The following LRBA variants were observed in gnomAD, a reference collection of about 807,000 sequenced individuals.
LRBA encodes the protein lipopolysaccharide-responsive and beige-like anchor protein.
A neutral mutation model predicts 330.0 loss-of-function variants in LRBA; 176 were observed. The ratio of observed to expected loss-of-function variants is 0.53; its 90% CI spans 0.47 to 0.60. LRBA has a LOEUF of 0.60. Ranked by LOEUF, LRBA falls within the 20% of genes least tolerant of loss-of-function variation. LRBA has a pLI of 0.00. For synonymous variants in LRBA, 1,230 were observed against 1,193.0 expected (o/e 1.03, Z -0.64); for missense variants, 3,259 against 3,444.8 (o/e 0.95, Z 1.35).
chr4:150,447,315 G>A (rs1752732876), intron 44 of LRBA, among the ~76,000 whole-genome samples: 1 of 152,292 alleles, frequency 6.6e-6, no homozygotes, highest in East Asian at 1.9e-4. Flanking sequence ...CCTTTAAACT[G>A]GTGGACACAG....
At chr4:150,455,809 T>G (rs906614022) in intron 44 of LRBA, among the ~76,000 whole-genome samples, 21 of 152,148 alleles carry the variant, frequency 1.4e-4, no homozygotes, top group Non-Finnish European at 7.4e-5. Context: ...CTATACTCCA[T>G]TCCCTCACCA....
At chr4:150,514,912 T>C (rs962016164) in intron 40 of LRBA, among the ~76,000 whole-genome samples, 1 of 152,166 alleles carries the variant, frequency 6.6e-6, no homozygotes, top group Non-Finnish European at 1.5e-5. Flanking sequence ...GGTAGTGTAC[T>C]AGGAGGCAAC....
At chr4:150,864,626 C>G (rs1447470240) in intron 22 of LRBA, among the ~76,000 whole-genome samples, 1 of 147,278 alleles carries the variant, frequency 6.8e-6, no homozygotes, top group Non-Finnish European at 1.5e-5. Flanking sequence ...CCATGAAAAG[C>G]TCTCATGGGC....
intron 46 of LRBA, among the ~76,000 whole-genome samples, chr4:150,417,765 C>A (rs1255989652): frequency 6.6e-6 from 1 of 152,042 alleles, no homozygotes; most frequent in Non-Finnish European, 1.5e-5. Flanking sequence ...TACCTAAATG[C>A]ATAGTAAAAA....
intron 46 of LRBA, among the ~76,000 whole-genome samples, chr4:150,421,911 T>G (rs1020668347): frequency 1.3e-5 from 2 of 152,064 alleles, no homozygotes; most frequent in Non-Finnish European, 2.9e-5. Context: ...TGACTTTTCC[T>G]GCTTTCAAAA....
At chr4:150,658,147 A>G (rs905182744) in intron 37 of LRBA, among the ~76,000 whole-genome samples, 1 of 151,102 alleles carries the variant, frequency 6.6e-6, no homozygotes, top group African/African-American at 2.4e-5. Flanking sequence ...CTCCACAGAT[A>G]TTGTGCTCTC....
chr4:150,294,776 C>A (rs1202385370), intron 53 of LRBA, among the ~76,000 whole-genome samples: 1 of 152,094 alleles, frequency 6.6e-6, no homozygotes, highest in African/African-American at 2.4e-5. Context: ...ATGGTGAAAC[C>A]CTGTCTCTAC....
intron 33 of LRBA, among the ~76,000 whole-genome samples, chr4:150,805,382 AAAAGG>A (rs1217104995): frequency 1.5e-5 from 2 of 131,732 alleles, no homozygotes; most frequent in South Asian, 2.6e-4. Flanking sequence ...AAGGGAAGGG[AAAAGG>A]AAAGGAAAGG....
At chr4:150,905,746 T>TA (rs1434397308) in intron 13 of LRBA, 92 bp downstream of exon 13, 85 of 1,173,166 alleles carry the variant, frequency 7.2e-5, no homozygotes, top group Non-Finnish European at 8.7e-5. Context: ...TAATAGTACA[T>TA]AAAAAAAAGA....
intron 2 of LRBA, among the ~76,000 whole-genome samples, chr4:150,964,526 CAACCCCGT>C (rs1738661004): frequency 6.6e-6 from 1 of 150,534 alleles, no homozygotes; most frequent in Admixed American, 6.6e-5. Flanking sequence ...ACCTTACCCC[CAACCCCGT>C]GCTCTCTGAA....
intron 46 of LRBA, among the ~76,000 whole-genome samples, chr4:150,421,317 C>T (rs1263239817): frequency 1.4e-5 from 2 of 142,580 alleles, no homozygotes; most frequent in Non-Finnish European, 3.0e-5. Flanking sequence ...TAAAGTATAA[C>T]ATATAAATAT....
chr4:150,430,741 C>T (rs1468086609), intron 46 of LRBA, among the ~76,000 whole-genome samples: 8 of 151,912 alleles, frequency 5.3e-5, no homozygotes, highest in Admixed American at 2.0e-4. Context: ...ATATTAAATT[C>T]GGGGTTTCTA....
chr4:150,488,334 T>C (rs759647233), intron 41 of LRBA, among the ~76,000 whole-genome samples: 67 of 151,706 alleles, frequency 4.4e-4, no homozygotes, highest in Non-Finnish European at 8.7e-4. Context: ...AATCATTAAG[T>C]TTTAAAACAG....
Position 150,869,611 on chromosome 4 carries a change from C to T in LRBA, c.2449+914G>A, listed in dbSNP as rs1010589612. Among the ~76,000 whole-genome samples the T allele has an allele frequency of 2.7e-4, 41 of 152,220 alleles. 1 individual carries two copies. Among genetic ancestry groups the T allele is most frequent in the African/African-American group, 9.1e-4 (38 of 41,532 alleles). ...GGCTGAGGCAGGAGAATCACTTGAACCAGGAGGCAGAGGTTACAGTGGCTG... is the reference window on the plus strand; with the variant it reads ...GGCTGAGGCAGGAGAATCACTTGAATCAGGAGGCAGAGGTTACAGTGGCTG... On this transcript the variant is annotated intron_variant, in intron 20 of 56. Coordinates refer to ENST00000651943, the MANE Select transcript of LRBA (RefSeq NM_001364905.1).
Position 150,321,124 on chromosome 4 carries a change from A to G in LRBA, c.7630+67T>C, listed in dbSNP as rs1732449919. On this transcript the variant is annotated intron_variant, in intron 50 of 56. Transcript: ENST00000651943. This position sits in a 1 kb window ranked among gnomAD's most constrained non-coding sequence, Gnocchi z 4.5. ...AAAAGCTTAAATGTTGAGATATGCT[A>G]TATTTAAGTGGGTATTACACAGTGT... 1.5e-6 allele frequency: 2 copies of G among 1,299,138 alleles called. No homozygotes were observed. The highest frequency in any genetic ancestry group is 1.5e-5 in the African/African-American group (1 of 65,102). 80.5% of individuals were successfully genotyped at this position (1,299,138 alleles called of 1,614,324 possible).
intron 37 of LRBA, among the ~76,000 whole-genome samples, chr4:150,673,700 TTGAC>T (rs1300684844): frequency 2.0e-5 from 3 of 152,180 alleles, no homozygotes; most frequent in Non-Finnish European, 4.4e-5. Flanking sequence ...TCTATATTTA[TTGAC>T]TAAGAACAAA....
intron 34 of LRBA, among the ~76,000 whole-genome samples, chr4:150,775,701 C>A (rs1005017266): frequency 4.7e-5 from 7 of 148,676 alleles, no homozygotes; most frequent in African/African-American, 1.7e-4. Context: ...TTTTCCAATG[C>A]GTTTTATGAT....
chr4:150,891,317 CTTTG>C (rs959396941), intron 17 of LRBA, among the ~76,000 whole-genome samples: 12 of 152,118 alleles, frequency 7.9e-5, no homozygotes, highest in Non-Finnish European at 1.2e-4. Context: ...ATAAAGAGTA[CTTTG>C]TTTGACAGCA....
intron 34 of LRBA, among the ~76,000 whole-genome samples, chr4:150,767,113 A>C (rs569278861): frequency 6.6e-6 from 1 of 152,278 alleles, no homozygotes; most frequent in African/African-American, 2.4e-5. Context: ...GACTTCATTA[A>C]CCTAACATTA....
Sources: gnomAD v4.1 joint callset for allele counts (sites outside exome capture counted in the v4.1 genomes callset) on GRCh38, gnomAD v4.1.1 for gene constraint, Gnocchi (gnomAD v3.1) non-coding constraint, MANE v1.5 for transcripts, NCBI Gene and HGNC (gene_info 2026-07-23, HGNC 2026-07-21) for gene names.